ZMAT4: variants seen among roughly 807,000 people sequenced by gnomAD.
ZMAT4 encodes the protein zinc finger matrin-type protein 4.
Under a neutral mutation model 28.7 loss-of-function variants are expected in ZMAT4, and 17 were observed. The ratio of observed to expected loss-of-function variants is 0.59; its 90% CI spans 0.41 to 0.89. The LOEUF (loss-of-function observed/expected upper bound fraction) is 0.89. Ranked by LOEUF, ZMAT4 falls within the 40% of genes least tolerant of loss-of-function variation. The pLI, the probability that ZMAT4 is intolerant of heterozygous loss-of-function variation, is 0.00. For synonymous variants in ZMAT4, 117 were observed against 109.2 expected (o/e 1.07, Z -0.44); for missense variants, 240 against 283.8 (o/e 0.85, Z 1.11).
At chr8:40,676,945 T>G (rs997179760) in intron 4 of ZMAT4, among the ~76,000 whole-genome samples, 3 of 152,202 alleles carry the variant, frequency 2.0e-5, no homozygotes, top group African/African-American at 7.2e-5. Flanking sequence ...TATCCACTTT[T>G]CTGAAGGTAA....
At chr8:40,858,447 T>G (rs1817374076) in intron 1 of ZMAT4, among the ~76,000 whole-genome samples, 1 of 152,160 alleles carries the variant, frequency 6.6e-6, no homozygotes, top group African/African-American at 2.4e-5. Flanking sequence ...TGGTGGTAAT[T>G]TTCCTCTTCC....
intron 2 of ZMAT4, among the ~76,000 whole-genome samples, chr8:40,823,910 C>T (rs933617114): frequency 6.6e-6 from 1 of 152,154 alleles, no homozygotes; most frequent in African/African-American, 2.4e-5. Context: ...TTCATCAAAA[C>T]ATTGCTGCAA....
At chr8:40,569,914 G>T (rs913348122) in intron 6 of ZMAT4, among the ~76,000 whole-genome samples, 3 of 152,076 alleles carry the variant, frequency 2.0e-5, no homozygotes, top group Admixed American at 2.0e-4. Flanking sequence ...CTAAAGAAAC[G>T]TCGGTTAAAC....
chr8:40,697,376 T>C lies in ZMAT4; in HGVS notation c.218A>G (p.Lys73Arg). 1 of 1,602,662 alleles carries C rather than the reference T, an allele frequency of 6.2e-7. No individual in the cohort carries two copies. The highest frequency in any genetic ancestry group is 1.1e-5 in the South Asian group (1 of 89,492). ...ENGSDADMVD[K>R]NKCCTLCNMS... ...GTTGCAGAGTGTGCAGCACTTGTTCTTATCCACCATGTCGGCATCACTTCC... is the reference window on the plus strand; with the variant it reads ...GTTGCAGAGTGTGCAGCACTTGTTCCTATCCACCATGTCGGCATCACTTCC... The change falls in exon 4 of 7, where the codon AAG (lysine) becomes AGG (arginine). Residue 73 changes from lysine to arginine, a missense_variant. Lys to Arg is a conservative substitution (Grantham distance 26). Transcript: ENST00000297737.
intron 5 of ZMAT4, among the ~76,000 whole-genome samples, chr8:40,619,416 C>T (rs574357456): frequency 6.6e-6 from 1 of 152,248 alleles, no homozygotes; most frequent in Admixed American, 6.5e-5. Flanking sequence ...GTAGGGCACA[C>T]TTGGTGCCTT....
At chr8:40,880,369 CAA>C (rs542001956) in intron 1 of ZMAT4, among the ~76,000 whole-genome samples, 17 of 122,338 alleles carry the variant, frequency 1.4e-4, no homozygotes, top group Non-Finnish European at 1.2e-4. Context: ...AACTCCATCT[CAA>C]AAAAAAAAAA....
chr8:40,769,070 A>C (rs1187920050), intron 2 of ZMAT4, among the ~76,000 whole-genome samples: 1 of 152,226 alleles, frequency 6.6e-6, no homozygotes, highest in Non-Finnish European at 1.5e-5. Context: ...GCAACAAAAG[A>C]CCAAGCTTCT....
chr8:40,650,989 T>G (rs1409254203), intron 5 of ZMAT4, among the ~76,000 whole-genome samples: 6 of 149,994 alleles, frequency 4.0e-5, no homozygotes, highest in South Asian at 4.2e-4. Flanking sequence ...GGGCAAAAAC[T>G]GGAAGCATTC....
chr8:40,804,773 G>A lies in ZMAT4; in HGVS notation c.102+20802C>T, dbSNP rs191596742. Among the ~76,000 whole-genome samples, 1,021 of 152,110 alleles carry A rather than the reference G, an allele frequency of 6.7e-3. 15 individuals are homozygous for A. The highest frequency in any genetic ancestry group is 0.023 in the African/African-American group (956 of 41,500). The stretch of plus-strand genomic sequence containing the variant: ...GGAAAATTGCTTGAACCCGGGAGGT[G>A]GAGGTTGCAGTGAGCCGAGATCGGG... On this transcript the variant is annotated intron_variant, in intron 2 of 6. Coordinates refer to ENST00000297737, the MANE Select transcript of ZMAT4 (RefSeq NM_024645.3).
intron 5 of ZMAT4, among the ~76,000 whole-genome samples, chr8:40,620,100 C>T (rs76753398): frequency 0.01 from 1,550 of 152,230 alleles, 30 homozygotes; most frequent in African/African-American, 0.035. Context: ...TCTCACTAGC[C>T]GTGTAGGGTT....
At chr8:40,797,896 C>T (rs1330659505) in intron 2 of ZMAT4, among the ~76,000 whole-genome samples, 1 of 152,158 alleles carries the variant, frequency 6.6e-6, no homozygotes, top group Non-Finnish European at 1.5e-5. Flanking sequence ...CCTTGAATTC[C>T]AAGTCAGAAC....
chr8:40,886,705 C>T (rs1818462332), intron 1 of ZMAT4, among the ~76,000 whole-genome samples: 1 of 152,210 alleles, frequency 6.6e-6, no homozygotes, highest in African/African-American at 2.4e-5. Flanking sequence ...GAACATCCCT[C>T]CTGGGTTCTC....
intron 3 of ZMAT4, among the ~76,000 whole-genome samples, chr8:40,742,009 CG>C (rs944885845): frequency 9.9e-5 from 15 of 151,938 alleles, no homozygotes; most frequent in African/African-American, 2.7e-4. Context: ...GAGGCTGAGG[CG>C]GGCAGATCAC....
intron 3 of ZMAT4, among the ~76,000 whole-genome samples, chr8:40,765,225 T>G (rs1333901319): frequency 6.6e-6 from 1 of 152,202 alleles, no homozygotes; most frequent in Non-Finnish European, 1.5e-5. Flanking sequence ...ACAACGTCTT[T>G]ATATATTCAG....
At chr8:40,870,191 C>T (rs1586196818) in intron 1 of ZMAT4, among the ~76,000 whole-genome samples, 2 of 152,132 alleles carry the variant, frequency 1.3e-5, no homozygotes, top group South Asian at 4.1e-4. Context: ...CCCTAAGAGA[C>T]TTTTTACCTG....
intron 3 of ZMAT4, among the ~76,000 whole-genome samples, chr8:40,731,461 C>T (rs985415319): frequency 2.0e-5 from 3 of 151,962 alleles, no homozygotes; most frequent in African/African-American, 7.3e-5. Flanking sequence ...TAACAAGAAA[C>T]AGCAAACCTA....
chr8:40,628,122 A>C (rs1344138109), intron 5 of ZMAT4, among the ~76,000 whole-genome samples: 1 of 152,204 alleles, frequency 6.6e-6, no homozygotes, highest in African/African-American at 2.4e-5. Context: ...TTGGAGTCTC[A>C]ACATCTCGAT....
chr8:40,609,610 T>G (rs188993935), intron 5 of ZMAT4, among the ~76,000 whole-genome samples: 1 of 152,322 alleles, frequency 6.6e-6, no homozygotes, highest in East Asian at 1.9e-4. Context: ...CATCAGTCAT[T>G]TGAACTTAGC....
At chr8:40,570,574 C>T (rs879643619) in intron 6 of ZMAT4, among the ~76,000 whole-genome samples, 3 of 151,968 alleles carry the variant, frequency 2.0e-5, no homozygotes, top group Admixed American at 1.3e-4. Flanking sequence ...CTGATGTGCG[C>T]CTGAAGTCCC....
Sources: allele counts gnomAD v4.1 joint callset (sites outside exome capture counted in the v4.1 genomes callset), GRCh38; gene constraint gnomAD v4.1.1; transcripts MANE v1.5; gene names NCBI Gene and HGNC (gene_info 2026-07-23, HGNC 2026-07-21).